Variants in HECW1 observed in about 807,000 individuals in gnomAD.
HECW1 encodes the protein E3 ubiquitin-protein ligase HECW1.
In HECW1, 61 loss-of-function variants were observed where a neutral mutation model predicts 182.3. That is an observed-to-expected ratio of 0.33 (90% confidence interval 0.27 to 0.41). The LOEUF is 0.41. Among genes scored for constraint, HECW1 ranks in the 10% least tolerant of loss-of-function variants. The pLI is 1.00. For synonymous variants in HECW1, 859 were observed against 832.6 expected (o/e 1.03, Z -0.55); for missense variants, 1,739 against 2,108.9 (o/e 0.82, Z 3.44).
At chr7:43,316,931 G>A (rs987160604) in intron 4 of HECW1, among the ~76,000 whole-genome samples, 5 of 150,384 alleles carry the variant, frequency 3.3e-5, no homozygotes, top group African/African-American at 7.4e-5. Flanking sequence ...ATGCAAATTC[G>A]ATTCATTTAG....
At chr7:43,412,486 G>T (rs1351254750) in intron 8 of HECW1, among the ~76,000 whole-genome samples, 1 of 148,020 alleles carries the variant, frequency 6.8e-6, no homozygotes, top group Non-Finnish European at 1.5e-5. Flanking sequence ...AAGTTTTAGG[G>T]TACATGTGCA....
At chr7:43,169,690 C>CTTTTTTTTT (rs374141328) in intron 2 of HECW1, among the ~76,000 whole-genome samples, 1 of 113,480 alleles carries the variant, frequency 8.8e-6, no homozygotes, top group East Asian at 2.3e-4. Flanking sequence ...TTTTTCTTTT[C>CTTTTTTTTT]TTTTTTTTTT....
intron 8 of HECW1, among the ~76,000 whole-genome samples, chr7:43,425,225 TCA>T (rs61442575): frequency 2.6e-4 from 39 of 147,392 alleles, no homozygotes; most frequent in South Asian, 8.7e-4. Context: ...ACCAAGACAC[TCA>T]CACACACACA....
intron 17 of HECW1, among the ~76,000 whole-genome samples, chr7:43,480,010 A>G (rs2078365469): frequency 6.6e-6 from 1 of 152,108 alleles, no homozygotes; most frequent in Admixed American, 6.5e-5. Flanking sequence ...GAAACTGAAA[A>G]TGCACTGTCA....
At chr7:43,260,016 A>G (rs911237568) in intron 3 of HECW1, among the ~76,000 whole-genome samples, 1 of 152,236 alleles carries the variant, frequency 6.6e-6, no homozygotes, top group African/African-American at 2.4e-5. Context: ...CAGGCACATC[A>G]TAGTCAAACT....
rs1011055205 is a variant in HECW1, at chr7:43,341,118, T to C, written c.461-19768T>C. On this transcript the variant is annotated intron_variant, in intron 5 of 29. Transcript: ENST00000395891. ...GGTGGGAATTGAACAATGAGAACAC[T>C]TGGACACAGGGCAGGGAATATCACA... Among the ~76,000 whole-genome samples the C allele has an allele frequency of 1.5e-4, 23 of 151,660 alleles. No homozygotes were observed. The East Asian group carries it at 3.5e-3, about 23-fold the overall frequency.
intron 11 of HECW1, among the ~76,000 whole-genome samples, chr7:43,447,742 C>T (rs537521390): frequency 6.6e-6 from 1 of 152,202 alleles, no homozygotes; most frequent in Non-Finnish European, 1.5e-5. Context: ...CTGCCTGATA[C>T]GTGATTGTGT....
At chr7:43,294,079 C>G (rs968866636) in intron 3 of HECW1, among the ~76,000 whole-genome samples, 1 of 152,208 alleles carries the variant, frequency 6.6e-6, no homozygotes, top group Non-Finnish European at 1.5e-5. Context: ...TCCATGAAAT[C>G]GATCCCTCGT....
At chr7:43,422,640 A>T (rs1414076853) in intron 8 of HECW1, among the ~76,000 whole-genome samples, 1 of 152,088 alleles carries the variant, frequency 6.6e-6, no homozygotes, top group African/African-American at 2.4e-5. Context: ...AAGTGCTGGG[A>T]TTACAAGCAT....
chr7:43,439,232 T>A (rs1020642424), intron 9 of HECW1: 2 of 152,234 alleles, frequency 1.3e-5, no homozygotes, highest in African/African-American at 4.8e-5. Context: ...CTTTTTTATT[T>A]CATTTAGTCC....
chr7:43,142,825 C>T (rs1481770301), intron 2 of HECW1, among the ~76,000 whole-genome samples: 2 of 152,190 alleles, frequency 1.3e-5, no homozygotes, highest in Non-Finnish European at 2.9e-5. Flanking sequence ...TGCATCCACT[C>T]CTATCTGTGG....
intron 24 of HECW1, among the ~76,000 whole-genome samples, chr7:43,518,392 A>T (rs1056244353): frequency 6.6e-6 from 1 of 152,038 alleles, no homozygotes; most frequent in African/African-American, 2.4e-5. Flanking sequence ...GCTACTCAGG[A>T]GGCTGAGGCA....
At chr7:43,373,421 G>A (rs1158518710) in intron 6 of HECW1, among the ~76,000 whole-genome samples, 2 of 151,946 alleles carry the variant, frequency 1.3e-5, no homozygotes, top group East Asian at 1.9e-4. Flanking sequence ...GCTTCCCAAA[G>A]TGCTGGGATT....
At chr7:43,420,547 A>G (rs2076147238) in intron 8 of HECW1, among the ~76,000 whole-genome samples, 1 of 152,222 alleles carries the variant, frequency 6.6e-6, no homozygotes, top group Non-Finnish European at 1.5e-5. Context: ...CTGTATTTTC[A>G]GATAACATTG....
intron 2 of HECW1, among the ~76,000 whole-genome samples, chr7:43,150,636 C>A (rs1338384888): frequency 1.3e-5 from 2 of 152,230 alleles, no homozygotes; most frequent in Non-Finnish European, 2.9e-5. Flanking sequence ...GCCTTGGCCT[C>A]CCAAAGTGCT....
At chr7:43,168,155 A>C (rs1791315631) in intron 2 of HECW1, among the ~76,000 whole-genome samples, 1 of 152,212 alleles carries the variant, frequency 6.6e-6, no homozygotes, top group African/African-American at 2.4e-5. Flanking sequence ...TCACTTTTGC[A>C]TGATGTCCCC....
intron 26 of HECW1, among the ~76,000 whole-genome samples, chr7:43,549,736 T>C (rs1416869684): frequency 6.6e-6 from 1 of 152,148 alleles, no homozygotes; most frequent in Non-Finnish European, 1.5e-5. Context: ...CTGCCCTGGC[T>C]GTGTAATATT....
chr7:43,206,482 A>G (rs1491002555), intron 2 of HECW1, among the ~76,000 whole-genome samples: 1 of 152,118 alleles, frequency 6.6e-6, no homozygotes, highest in Non-Finnish European at 1.5e-5. Flanking sequence ...TCCTCCCCTC[A>G]GTCCCCCACT....
intron 18 of HECW1, among the ~76,000 whole-genome samples, chr7:43,492,646 T>C (rs1202733208): frequency 1.3e-5 from 2 of 152,214 alleles, no homozygotes; most frequent in Non-Finnish European, 2.9e-5. Flanking sequence ...AATGAGAGCA[T>C]CTAAATGGTA....
Sources: allele counts gnomAD v4.1 joint callset (sites outside exome capture counted in the v4.1 genomes callset), GRCh38; gene constraint gnomAD v4.1.1; transcripts MANE v1.5; gene names NCBI Gene and HGNC (gene_info 2026-07-23, HGNC 2026-07-21).